Variants in NOTCH2NLA observed in about 807,000 individuals in gnomAD.
NOTCH2NLA encodes the protein notch homolog 2 N-terminal-like protein A.
intron 3 of NOTCH2NLA, among the ~76,000 whole-genome samples, chr1:146,158,096 TG>T (rs1314686676): frequency 6.6e-6 from 1 of 151,546 alleles, no homozygotes; most frequent in Non-Finnish European, 1.5e-5. Context: ...TTCACATGGC[TG>T]GCTTTTTGTT....
At chr1:146,162,471 G>A (rs1201626791) in intron 3 of NOTCH2NLA, among the ~76,000 whole-genome samples, 1 of 119,390 alleles carries the variant, frequency 8.4e-6, no homozygotes, top group Non-Finnish European at 1.7e-5. Flanking sequence ...TGAAGGTGTT[G>A]CCAAAGGAGA....
At chr1:146,159,961 C>A (rs1274263281) in intron 3 of NOTCH2NLA, among the ~76,000 whole-genome samples, 1 of 17,978 alleles carries the variant, frequency 5.6e-5, no homozygotes, top group Non-Finnish European at 1.3e-4. Context: ...AGCAATACTC[C>A]ATCTCAAAAA....
At chr1:146,219,443 TG>T (rs1441319103) in intron 1 of NOTCH2NLA, among the ~76,000 whole-genome samples, 2 of 115,194 alleles carry the variant, frequency 1.7e-5, no homozygotes, top group Non-Finnish European at 3.4e-5. Context: ...ATATCAACAT[TG>T]GTAGCAATTT....
intron 2 of NOTCH2NLA, among the ~76,000 whole-genome samples, chr1:146,181,974 CCA>C (rs1392740770): frequency 2.9e-5 from 3 of 102,656 alleles, no homozygotes; most frequent in Non-Finnish European, 7.2e-5. Flanking sequence ...TCTATTTCAT[CCA>C]CAGTTATTAC....
In NOTCH2NLA at chr1:146,227,937, G is replaced by A. The variant is rs587602720; in HGVS notation, c.-45+772C>T. ...TGCCAGGTTGGAGGAATTGGTGATC[G>A]TCACACCACATTCCTGGGTCTGGAC... On this transcript the variant is annotated intron_variant, in intron 1 of 4. Coordinates refer to ENST00000362074, the Ensembl canonical transcript of NOTCH2NLA. Among the ~76,000 whole-genome samples, 4 of 36,232 alleles carry A rather than the reference G, an allele frequency of 1.1e-4. No individual in the cohort carries two copies. The South Asian group carries it at 2.4e-3, about 22-fold the overall frequency. 23.8% of individuals were successfully genotyped at this position (36,232 alleles called of 152,430 possible).
At chr1:146,172,750 T>G (rs1480059737) in intron 2 of NOTCH2NLA, among the ~76,000 whole-genome samples, 1 of 151,658 alleles carries the variant, frequency 6.6e-6, no homozygotes, top group Non-Finnish European at 1.5e-5. Context: ...TGGTTCTTCT[T>G]TATTTAAGCC....
At chr1:146,188,050 G>A (rs2596101) in intron 2 of NOTCH2NLA, among the ~76,000 whole-genome samples, 2 of 129,828 alleles carry the variant, frequency 1.5e-5, no homozygotes, top group Non-Finnish European at 3.6e-5. Context: ...ACTAAATCCT[G>A]GTGTCAGAAC....
chr1:146,228,225 G>A (rs1465435525), intron 1 of NOTCH2NLA, among the ~76,000 whole-genome samples: 2 of 149,884 alleles, frequency 1.3e-5, no homozygotes, highest in African/African-American at 5.0e-5. Flanking sequence ...GCAAAGGCGA[G>A]GCTGGCTGCG....
At chr1:146,171,870 T>C (rs1266023171) in intron 2 of NOTCH2NLA, among the ~76,000 whole-genome samples, 9 of 147,702 alleles carry the variant, frequency 6.1e-5, no homozygotes, top group African/African-American at 2.2e-4. Flanking sequence ...ATTTTTCTCA[T>C]CTTATACTTG....
chr1:146,178,713 T>C (rs1662389271), intron 2 of NOTCH2NLA, among the ~76,000 whole-genome samples: 2 of 128,336 alleles, frequency 1.6e-5, no homozygotes, highest in South Asian at 4.7e-4. Context: ...AAAATTAAAG[T>C]CAAGGAGGTA....
intron 2 of NOTCH2NLA, among the ~76,000 whole-genome samples, chr1:146,174,501 G>A (rs1229009878): frequency 1.4e-5 from 2 of 142,706 alleles, no homozygotes; most frequent in Admixed American, 7.4e-5. Flanking sequence ...AGAAGAAAAA[G>A]AGAGGCATGC....
chr1:146,154,009 A>ACC (rs1661019612), downstream of NOTCH2NLA: 1 of 34,848 alleles, frequency 2.9e-5, no homozygotes, highest in South Asian at 8.1e-4. Flanking sequence ...AACGCCATAC[A>ACC]CACACACACA....
chr1:146,228,990 G>C, exon 1 of NOTCH2NLA: 3 of 1,397,370 alleles, frequency 2.1e-6, no homozygotes, highest in Non-Finnish European at 1.9e-6. Context: ...CTCAGCCGCC[G>C]CCCGAAGTTT....
At chr1:146,159,485 G>C (rs1445935500) in intron 3 of NOTCH2NLA, among the ~76,000 whole-genome samples, 1 of 151,326 alleles carries the variant, frequency 6.6e-6, no homozygotes. Context: ...AAGAAAGAAA[G>C]AATCAACCCT....
rs2794077 is a variant in NOTCH2NLA at position 146,170,592 on chromosome 1, C to T, written c.39-5582G>A. Among the ~76,000 whole-genome samples, 9 of 118,856 alleles carry T rather than the reference C, an allele frequency of 7.6e-5. 1 individual carries two copies. Among genetic ancestry groups the T allele is most frequent in the Middle Eastern group, 3.6e-3 (1 of 276 alleles). The allele number at this position is 118,856 out of a possible 152,430, so 78.0% of individuals were successfully genotyped here. On this transcript the variant is annotated intron_variant, in intron 2 of 4. Coordinates refer to ENST00000362074, the Ensembl canonical transcript of NOTCH2NLA. ...TTCTTTCAGGGTGATAAAAATGTTT[C>T]GAAATTAGATAATGGTGGTGGTCTC...
chr1:146,157,655 G>A (rs371872085), intron 3 of NOTCH2NLA, among the ~76,000 whole-genome samples: 1 of 80,024 alleles, frequency 1.2e-5, no homozygotes, highest in African/African-American at 4.8e-5. Context: ...TTGGGTCTCC[G>A]TGGTATGCTC....
At chr1:146,159,452 A>G (rs797041008) in intron 3 of NOTCH2NLA, among the ~76,000 whole-genome samples, 2 of 151,102 alleles carry the variant, frequency 1.3e-5, no homozygotes, top group Non-Finnish European at 1.5e-5. Flanking sequence ...AGAAAGAGAA[A>G]GAAAGAAAGA....
intron 3 of NOTCH2NLA, among the ~76,000 whole-genome samples, chr1:146,157,312 C>T (rs1268175637): frequency 6.7e-6 from 1 of 148,748 alleles, no homozygotes; most frequent in Non-Finnish European, 1.5e-5. Flanking sequence ...CAAAAATTAG[C>T]TGGGCATGGT....
chr1:146,186,264 C>T (rs1467074937), intron 2 of NOTCH2NLA, among the ~76,000 whole-genome samples: 24 of 135,358 alleles, frequency 1.8e-4, no homozygotes, highest in African/African-American at 5.7e-4. Flanking sequence ...GGAAAGACAT[C>T]TGAGGGACAT....
Sources: gnomAD v4.1 joint callset for allele counts (sites outside exome capture counted in the v4.1 genomes callset) on GRCh38, gnomAD v4.1.1 for gene constraint, MANE v1.5 for transcripts, NCBI Gene and HGNC (gene_info 2026-07-23, HGNC 2026-07-21) for gene names.